Variants in LAMA2 observed in about 807,000 individuals in gnomAD.
The protein encoded by LAMA2 is laminin subunit alpha-2.
Under a neutral mutation model 364.8 loss-of-function variants are expected in LAMA2, and 269 were observed. The observed-to-expected ratio is 0.74, with a 90% CI of 0.67 to 0.82. LAMA2 has a LOEUF of 0.82. Among genes scored for constraint, LAMA2 ranks in the 40% least tolerant of loss-of-function variants. LAMA2 has a pLI of 0.00. For synonymous variants in LAMA2, 1,379 were observed against 1,370.6 expected, an observed-to-expected ratio of 1.01 and a Z score of -0.14; for missense variants, 3,807 against 3,873.2, an observed-to-expected ratio of 0.98 and a Z score of 0.45.
chr6:129,379,261 G>T (rs1206270996), intron 34 of LAMA2, among the ~76,000 whole-genome samples: 1 of 152,010 alleles, frequency 6.6e-6, no homozygotes, highest in Admixed American at 6.5e-5. Context: ...AATAACTTAT[G>T]GGCACTGGGC....
chr6:128,884,612 A>C (rs1003164636), intron 1 of LAMA2, among the ~76,000 whole-genome samples: 1 of 152,200 alleles, frequency 6.6e-6, no homozygotes, highest in Non-Finnish European at 1.5e-5. Flanking sequence ...ATGACCTTGC[A>C]TTCACTATAT....
intron 4 of LAMA2, among the ~76,000 whole-genome samples, chr6:129,104,084 G>GCT (rs1775681271): frequency 6.6e-5 from 10 of 151,858 alleles, no homozygotes; most frequent in Admixed American, 5.9e-4. Context: ...GAGTCCAGTG[G>GCT]CATGATTATA....
At chr6:129,059,515 A>T (rs1200726481) in intron 2 of LAMA2, among the ~76,000 whole-genome samples, 2 of 152,124 alleles carry the variant, frequency 1.3e-5, no homozygotes, top group Admixed American at 6.5e-5. Flanking sequence ...AAAATTGCCC[A>T]TTTTGGTTAA....
At chr6:128,928,444 A>G (rs879474333) in intron 1 of LAMA2, among the ~76,000 whole-genome samples, 1 of 152,228 alleles carries the variant, frequency 6.6e-6, no homozygotes, top group African/African-American at 2.4e-5. Flanking sequence ...TTTCAACAAA[A>G]TGTTTATAAA....
rs373405993 is a variant in LAMA2, at chr6:129,291,291, G to A, written c.2750-323G>A. ...CTCACCTATATGACACAGCAGGCAT[G>A]TGGACTTGTATAAGCTATGGCTTCT... is the stretch of plus-strand genomic sequence containing the variant. On this transcript the variant is annotated intron_variant, in intron 19 of 64. Transcript: ENST00000421865. Among the ~76,000 whole-genome samples the A allele has an allele frequency of 6.4e-4, 98 of 152,300 alleles. 2 individuals are homozygous for A. In the South Asian group the frequency reaches 0.012, roughly 19 times the overall value.
chr6:129,353,468 T>G, intron 32 of LAMA2, 111 bp downstream of exon 32: 27 of 788,374 alleles, frequency 3.4e-5, no homozygotes, highest in East Asian at 5.3e-5. Flanking sequence ...TTTTTTGCAA[T>G]AGTTATACTC....
chr6:129,325,212 G>A (rs771200905), intron 28 of LAMA2, among the ~76,000 whole-genome samples: 18 of 152,082 alleles, frequency 1.2e-4, no homozygotes, highest in East Asian at 7.7e-4. Context: ...AAAGATAGAC[G>A]AGAGCAGAAG....
intron 44 of LAMA2, 136 bp downstream of exon 44, chr6:129,443,204 T>C: frequency 1.7e-6 from 1 of 599,524 alleles, no homozygotes; most frequent in Non-Finnish European, 3.0e-6. Context: ...ACTGTTACAG[T>C]ATTAATGGTA....
At chr6:129,446,963 G>T (rs1382242900) in intron 45 of LAMA2, among the ~76,000 whole-genome samples, 1 of 152,142 alleles carries the variant, frequency 6.6e-6, no homozygotes, top group East Asian at 1.9e-4. Context: ...AAAGATCTGA[G>T]AAAACATATA....
chr6:129,149,885 A>G (rs1472556826), intron 7 of LAMA2, among the ~76,000 whole-genome samples: 1 of 152,184 alleles, frequency 6.6e-6, no homozygotes, highest in Non-Finnish European at 1.5e-5. Flanking sequence ...TCTAAAGTGT[A>G]CAGGAGGATG....
At chr6:129,422,926 T>C (rs1252688570) in intron 40 of LAMA2, among the ~76,000 whole-genome samples, 3 of 152,060 alleles carry the variant, frequency 2.0e-5, no homozygotes, top group African/African-American at 4.8e-5. Context: ...TGAACATAGA[T>C]GTAAAAGTTC....
At chr6:129,512,310 A>G in intron 62 of LAMA2, 53 bp from the exon 63 acceptor site, 1 of 1,563,290 alleles carries the variant, frequency 6.4e-7, no homozygotes. Flanking sequence ...ACACGTTTGA[A>G]TTAACAATCC....
In LAMA2 at chr6:129,460,144, C is replaced by T. The variant is rs1783174923; in HGVS notation, c.6868-56C>T. ...GCTGATAATAACTCTCATGGATAAA[C>T]CAAGATTATTTGTGAAATTCCAAAT... On this transcript the variant is annotated intron_variant, in intron 48 of 64. Coordinates refer to ENST00000421865, the MANE Select transcript of LAMA2 (RefSeq NM_000426.4). 4 of 1,566,914 alleles carry T rather than the reference C, an allele frequency of 2.6e-6. No individual in the cohort carries two copies. In the Admixed American group the frequency reaches 5.0e-5, roughly 20 times the overall value.
chr6:129,340,806 A>G (rs1776218030), intron 29 of LAMA2, among the ~76,000 whole-genome samples: 1 of 143,648 alleles, frequency 7.0e-6, no homozygotes, highest in Non-Finnish European at 1.5e-5. Flanking sequence ...ACTGCACTCC[A>G]GCCTGGGCGA....
At chr6:129,119,343 C>T (rs1034787430) in intron 4 of LAMA2, among the ~76,000 whole-genome samples, 2 of 151,922 alleles carry the variant, frequency 1.3e-5, no homozygotes, top group African/African-American at 2.4e-5. Flanking sequence ...TGTAATTATA[C>T]TGCAAATTAT....
At chr6:129,304,329 T>A (rs1041333148) in intron 22 of LAMA2, among the ~76,000 whole-genome samples, 2 of 152,188 alleles carry the variant, frequency 1.3e-5, no homozygotes, top group African/African-American at 4.8e-5. Context: ...CAGTGGCAGA[T>A]CTTGGCTCAC....
At chr6:129,316,995 T>G (rs933898264) in intron 27 of LAMA2, among the ~76,000 whole-genome samples, 15 of 152,170 alleles carry the variant, frequency 9.9e-5, no homozygotes, top group African/African-American at 2.7e-4. Flanking sequence ...TTTGAAAGAG[T>G]ATGTTTACAG....
rs7450865 is a variant in LAMA2 at position 129,088,088 on chromosome 6, C to G, written c.397-10085C>G. Among the ~76,000 whole-genome samples, 22 of 25,462 alleles carry G rather than the reference C, an allele frequency of 8.6e-4. 1 individual carries two copies. The highest frequency in any genetic ancestry group is 2.1e-3 in the South Asian group (1 of 482). The allele number at this position is 25,462 out of a possible 152,430, so 16.7% of individuals were successfully genotyped here. ...CCTGGGTACTTGAGATCAGGGAGTC[C>G]TGATGACTCTTAACGCGCATGCTGC... On this transcript the variant is annotated intron_variant, in intron 3 of 64. Coordinates refer to ENST00000421865, the MANE Select transcript of LAMA2 (RefSeq NM_000426.4).
chr6:129,280,213 A>AATCATCCTTTGC, intron 18 of LAMA2, 66 bp downstream of exon 18: 1 of 1,012,084 alleles, frequency 9.9e-7, no homozygotes, highest in Non-Finnish European at 1.6e-6. Context: ...CCGCAGATAC[A>AATCATCCTTTGC]ATCATCCTTT....
Sources: gnomAD v4.1 joint callset for allele counts (sites outside exome capture counted in the v4.1 genomes callset) on GRCh38, gnomAD v4.1.1 for gene constraint, MANE v1.5 for transcripts, NCBI Gene and HGNC (gene_info 2026-07-23, HGNC 2026-07-21) for gene names.